Variants in SHANK2 observed in about 807,000 individuals in gnomAD.
SHANK2 encodes SH3 and multiple ankyrin repeat domains protein 2.
SHANK2 carries 43 observed loss-of-function variants against 133.7 expected under a neutral mutation model. That is an observed-to-expected ratio of 0.32 (90% CI 0.25 to 0.41). SHANK2 has a LOEUF of 0.41. SHANK2 is among the 10% of genes least tolerant of loss of function. The pLI is 1.00. For missense variants in SHANK2, 1,994 were observed against 2,235.8 expected, an observed-to-expected ratio of 0.89 and a Z score of 2.18; for synonymous variants, 1,017 against 952.8, an observed-to-expected ratio of 1.07 and a Z score of -1.24.
In SHANK2 at chr11:70,471,069, GTTTT is replaced by G. The variant is rs1202286730; in HGVS notation, c.*1796_*1799del. ...GAAATAGTATTATTAAATCACAAAAGTTTTTTTTTCTTTAACTTTCTAGCACTGA... is the reference window on the plus strand; with the variant it reads ...GAAATAGTATTATTAAATCACAAAAGTTTTTCTTTAACTTTCTAGCACTGA... On this transcript the variant is annotated 3_prime_UTR_variant, in exon 26 of 26. Transcript: ENST00000601538. The surrounding 1 kb of genome is among the most constrained non-coding windows in gnomAD (Gnocchi z 4.1). 1 of 378,054 alleles carries G rather than the reference GTTTT, an allele frequency of 2.6e-6. No individual in the cohort carries two copies. The highest frequency in any genetic ancestry group is 2.1e-5 in the African/African-American group (1 of 48,076). 23.4% of individuals were successfully genotyped at this position (378,054 alleles called of 1,614,324 possible). A position where few individuals can be genotyped will look rare whatever the true frequency, so the allele number is the denominator to read the frequency against.
chr11:70,531,253 A>C lies in SHANK2; in HGVS notation c.2062-28322T>G, dbSNP rs1193959428. On this transcript the variant is annotated intron_variant, in intron 17 of 25. Transcript: ENST00000601538. ...AAAATAATAACTTTTTAAAAGGGAGAGGCATGGCCCAGGCCCAGGCGCCTC... is the reference window on the plus strand; with the variant it reads ...AAAATAATAACTTTTTAAAAGGGAGCGGCATGGCCCAGGCCCAGGCGCCTC... 3.3e-5 allele frequency among the ~76,000 whole-genome samples: 5 copies of C among 151,480 alleles called. No individual in the cohort carries two copies. The East Asian group carries it at 9.7e-4, about 29-fold the overall frequency.
In SHANK2 at chr11:70,928,268, GTGTCTA is replaced by G. The variant is rs548037711; in HGVS notation, c.1108-31707_1108-31702del. On this transcript the variant is annotated intron_variant, in intron 10 of 25. Transcript: ENST00000601538. ...GCCCCCTCCACCATGCATTCCAAAG[GTGTCTA>G]GAAGGGAAAGAAAGGCTTGTATGCT... 1.6e-3 allele frequency among the ~76,000 whole-genome samples: 243 copies of G among 152,222 alleles called. 2 individuals carry two copies. The highest frequency in any genetic ancestry group is 0.014 in the Admixed American group (208 of 15,298).
At chr11:70,696,019 A>T (rs909447143) in intron 15 of SHANK2, among the ~76,000 whole-genome samples, 9 of 152,226 alleles carry the variant, frequency 5.9e-5, no homozygotes. Flanking sequence ...CTGGCAGAAC[A>T]GGTGTTCAGT....
chr11:70,711,777 G>A (rs782788653), intron 14 of SHANK2, among the ~76,000 whole-genome samples: 2 of 152,230 alleles, frequency 1.3e-5, no homozygotes, highest in Non-Finnish European at 2.9e-5. Context: ...CAACTGGCTC[G>A]GCTCACTTGT....
intron 11 of SHANK2, among the ~76,000 whole-genome samples, chr11:70,870,059 G>A (rs1350183376): frequency 3.3e-5 from 5 of 152,094 alleles, no homozygotes; most frequent in African/African-American, 4.8e-5. Flanking sequence ...GTGAGGTTGC[G>A]ACGAGGTAAT....
chr11:71,168,424 G>A (rs1953233234), intron 2 of SHANK2, among the ~76,000 whole-genome samples: 1 of 151,890 alleles, frequency 6.6e-6, no homozygotes, highest in African/African-American at 2.4e-5. Flanking sequence ...AGACGGGGTG[G>A]CGGCCGGGCA....
At chr11:71,067,248 C>T (rs1225654091) in intron 9 of SHANK2, among the ~76,000 whole-genome samples, 1 of 152,222 alleles carries the variant, frequency 6.6e-6, no homozygotes, top group East Asian at 1.9e-4. Flanking sequence ...GGCACAGATG[C>T]AAACAGGAAA....
chr11:70,649,450 C>T (rs1393916861), intron 17 of SHANK2, among the ~76,000 whole-genome samples: 1 of 152,182 alleles, frequency 6.6e-6, no homozygotes, highest in African/African-American at 2.4e-5. Flanking sequence ...ACCCTAATTC[C>T]CAGGGCTGAC....
At chr11:71,127,361 G>A (rs1555102901) in intron 3 of SHANK2, among the ~76,000 whole-genome samples, 5 of 152,222 alleles carry the variant, frequency 3.3e-5, no homozygotes, top group Admixed American at 2.6e-4. Flanking sequence ...TGCAGGGTTT[G>A]AGAAGATTTC....
At chr11:71,140,424 T>C (rs1233950597) in intron 3 of SHANK2, among the ~76,000 whole-genome samples, 3 of 152,188 alleles carry the variant, frequency 2.0e-5, no homozygotes, top group African/African-American at 2.4e-5. Context: ...GCCCCTGCCC[T>C]GCAAGGGGAA....
intron 17 of SHANK2, among the ~76,000 whole-genome samples, chr11:70,654,942 T>C (rs2061387816): frequency 6.6e-6 from 1 of 152,158 alleles, no homozygotes; most frequent in Admixed American, 6.5e-5. Context: ...TAATTTTTTG[T>C]ATTTTTAGTA....
intron 2 of SHANK2, among the ~76,000 whole-genome samples, chr11:71,199,061 T>G (rs1953969452): frequency 6.6e-6 from 1 of 152,076 alleles, no homozygotes. Context: ...GGTGAGGCAC[T>G]CCAGGCCAGG....
rs782706102 is a variant in SHANK2 at position 70,807,106 on chromosome 11, C to T, written c.1559G>A (p.Arg520Gln). 1.4e-5 allele frequency: 10 copies of T among 717,748 alleles called. No individual in the cohort carries two copies. Among genetic ancestry groups the T allele is most frequent in the African/African-American group, 3.5e-5 (2 of 57,198 alleles). The allele number at this position is 717,748 out of a possible 1,614,324, so 44.5% of individuals were successfully genotyped here. ...CCCGGGCACGGCACTGTAGAGCTTC[C>T]GCTTGGGCCCCGGGTACTCGAAGGC... is the stretch of plus-strand genomic sequence containing the variant. ...LSAFEYPGPK[R>Q]KLYSAVPGRL... The change falls in exon 13 of 26, where the codon CGG (arginine) becomes CAG (glutamine). Residue 520 changes from arginine to glutamine, a missense_variant. By Grantham distance (43) the Arg-to-Gln change is conservative. Coordinates refer to ENST00000601538, the MANE Select transcript of SHANK2 (RefSeq NM_012309.5). The surrounding 1 kb of genome is among the most constrained non-coding windows in gnomAD (Gnocchi z 4.8).
rs138879407 is a variant in SHANK2, at chr11:70,675,123, G to A, written c.1854-13445C>T. Among the ~76,000 whole-genome samples the A allele has an allele frequency of 1.8e-4, 27 of 152,288 alleles. 1 individual carries two copies. In the East Asian group the frequency reaches 4.8e-3, roughly 27 times the overall value. ...TGTGAGATGCCTGAGAGGTTCAGAA[G>A]GATCACATGGGGAGTACTTTCTGGA... On this transcript the variant is annotated intron_variant, in intron 15 of 25. Coordinates refer to ENST00000601538, the MANE Select transcript of SHANK2 (RefSeq NM_012309.5).
At chr11:70,616,920 G>A (rs1398326031) in intron 17 of SHANK2, among the ~76,000 whole-genome samples, 3 of 152,326 alleles carry the variant, frequency 2.0e-5, no homozygotes, top group Admixed American at 1.3e-4. Context: ...GGGCAGAGCC[G>A]TGTGTGCTCC....
At chr11:70,494,818 C>A (rs1030521095) in intron 21 of SHANK2, among the ~76,000 whole-genome samples, 2 of 152,150 alleles carry the variant, frequency 1.3e-5, no homozygotes, top group African/African-American at 2.4e-5. Context: ...AATCTCCCCC[C>A]ACAGCACTCT....
At chr11:70,634,147 T>G (rs1056843463) in intron 17 of SHANK2, 1 of 151,494 alleles carries the variant, frequency 6.6e-6, no homozygotes, top group African/African-American at 2.4e-5. Context: ...ATTTGGGACA[T>G]GTGCTAATGG....
At chr11:71,238,536 T>C (rs1954850965) in intron 1 of SHANK2, among the ~76,000 whole-genome samples, 1 of 152,308 alleles carries the variant, frequency 6.6e-6, no homozygotes, top group Non-Finnish European at 1.5e-5. Flanking sequence ...TACCACTTAC[T>C]GAAGCAAGGA....
In SHANK2 at chr11:70,485,920, T is replaced by C. The variant is rs781922431; in HGVS notation, c.4373A>G (p.Asn1458Ser). The change falls in exon 25 of 26, where the codon AAC (asparagine) becomes AGC (serine). Residue 1458 changes from asparagine to serine, a missense_variant. Physicochemically the swap from Asn to Ser is conservative, Grantham distance 46. This residue lies in a region of SHANK2 where 797 missense variants were observed against 907.4 expected (regional missense o/e 0.88). Coordinates refer to ENST00000601538, the MANE Select transcript of SHANK2 (RefSeq NM_012309.5). This position sits in a 1 kb window ranked among gnomAD's most constrained non-coding sequence, Gnocchi z 5.8. ...SPSLNSSQPTNSADSKKPASL... is the reference protein window; with the variant it reads ...SPSLNSSQPTSSADSKKPASL... ...GGCTGGCTTCTTGCTGTCTGCAGAG[T>C]TGGTTGGTTGGCTGGAGTTCAACGA... 1 of 1,613,676 alleles carries C rather than the reference T, an allele frequency of 6.2e-7. No homozygotes were observed. Among genetic ancestry groups the C allele is most frequent in the South Asian group, 1.1e-5 (1 of 91,052 alleles).
Sources: allele counts gnomAD v4.1 joint callset (sites outside exome capture counted in the v4.1 genomes callset), GRCh38; gene constraint gnomAD v4.1.1; regional missense constraint gnomAD v4.1.1; non-coding constraint Gnocchi (gnomAD v3.1); transcripts MANE v1.5; gene names NCBI Gene and HGNC (gene_info 2026-07-23, HGNC 2026-07-21).